Variants in RGS8 observed in about 807,000 individuals in gnomAD.
RGS8 encodes the protein regulator of G protein signaling 8, also known as regulator of G-protein signaling 8.
RGS8 carries 8 observed loss-of-function variants against 21.7 expected under a neutral mutation model. The observed-to-expected ratio is 0.37, with a 90% CI of 0.22 to 0.66. The LOEUF (loss-of-function observed/expected upper bound fraction) is 0.66. Ranked by LOEUF, RGS8 falls within the 30% of genes least tolerant of loss-of-function variation. The pLI, the probability that RGS8 is intolerant of heterozygous loss-of-function variation, is 0.59. For missense variants in RGS8, 157 were observed against 217.9 expected, an observed-to-expected ratio of 0.72 and a Z score of 1.76; for synonymous variants, 80 against 83.6, an observed-to-expected ratio of 0.96 and a Z score of 0.24.
chr1:182,671,774 C>T (rs374640164), intron 1 of RGS8, 44 bp from the exon 3 acceptor site: 18 of 1,612,204 alleles, frequency 1.1e-5, no homozygotes, highest in African/African-American at 1.1e-4. Context: ...AAATCCTCGG[C>T]GAGTGAAGGG....
the RGS8 span, among the ~76,000 whole-genome samples, chr1:182,705,590 G>A: frequency 7.4e-6 from 1 of 135,624 alleles, no homozygotes; most frequent in Non-Finnish European, 1.6e-5. Flanking sequence ...GAGTATGAAG[G>A]AGAAGGCCTC....
At chr1:182,692,675 CAAAAAAAAAAA>C in the RGS8 span, among the ~76,000 whole-genome samples, 2 of 28,028 alleles carry the variant, frequency 7.1e-5, no homozygotes, top group South Asian at 2.2e-3. Context: ...CAATCCTAAG[CAAAAAAAAAAA>C]AAAAAAAAAA....
chr1:182,716,952 C>T, the RGS8 span, among the ~76,000 whole-genome samples: 1 of 152,122 alleles, frequency 6.6e-6, no homozygotes, highest in Non-Finnish European at 1.5e-5. Context: ...TCTCATCTTC[C>T]CCCAAGGTAT....
chr1:182,651,286 A>G (rs1663000946), intron 5 of RGS8, among the ~76,000 whole-genome samples: 1 of 152,240 alleles, frequency 6.6e-6, no homozygotes, highest in African/African-American at 2.4e-5. Flanking sequence ...GATTGAAAAT[A>G]CCAAGAGTCA....
chr1:182,703,440 G>A, the RGS8 span, among the ~76,000 whole-genome samples: 4 of 152,100 alleles, frequency 2.6e-5, no homozygotes, highest in Non-Finnish European at 5.9e-5. Flanking sequence ...TGGAGGGGTG[G>A]CCAAAAGGTA....
the RGS8 span, among the ~76,000 whole-genome samples, chr1:182,714,162 C>T: frequency 2.0e-5 from 3 of 152,180 alleles, no homozygotes; most frequent in African/African-American, 4.8e-5. Context: ...AATGTCATAT[C>T]CTCAGACAGT....
intron 5 of RGS8, among the ~76,000 whole-genome samples, chr1:182,655,645 C>G (rs1174906687): frequency 1.3e-5 from 2 of 152,170 alleles, no homozygotes; most frequent in Non-Finnish European, 2.9e-5. Context: ...GGACAACACA[C>G]TCAACTTCAC....
the RGS8 span, among the ~76,000 whole-genome samples, chr1:182,729,024 A>G: frequency 6.6e-6 from 1 of 152,222 alleles, no homozygotes; most frequent in Non-Finnish European, 1.5e-5. Context: ...AATAAAAAAG[A>G]TGGTTGCCTC....
chr1:182,703,711 T>C, the RGS8 span, among the ~76,000 whole-genome samples: 1 of 152,230 alleles, frequency 6.6e-6, no homozygotes, highest in Non-Finnish European at 1.5e-5. Context: ...GCCTTTGGCC[T>C]ACATTTGTTT....
At chr1:182,694,920 A>G in the RGS8 span, among the ~76,000 whole-genome samples, 104 of 152,364 alleles carry the variant, frequency 6.8e-4, 1 homozygote, top group African/African-American at 2.5e-3. Flanking sequence ...AAGTCTTCAC[A>G]CAAAAGCACA....
the RGS8 span, among the ~76,000 whole-genome samples, chr1:182,704,050 C>A: frequency 6.6e-6 from 1 of 152,334 alleles, no homozygotes; most frequent in Middle Eastern, 3.4e-3. Flanking sequence ...ATAAAGATTT[C>A]ACTATAGCTT....
chr1:182,670,926 A>C (rs181381781), intron 2 of RGS8, among the ~76,000 whole-genome samples: 4 of 152,244 alleles, frequency 2.6e-5, no homozygotes, highest in African/African-American at 7.2e-5. Flanking sequence ...GGTCCCTAGA[A>C]GTCATGTTTG....
At chr1:182,657,545 G>A (rs1355943153) in intron 5 of RGS8, among the ~76,000 whole-genome samples, 3 of 149,280 alleles carry the variant, frequency 2.0e-5, no homozygotes, top group East Asian at 4.0e-4. Flanking sequence ...AAGTCCCCCC[G>A]CCCCAGTTTC....
At chr1:182,656,859 A>C (rs1336512273) in intron 5 of RGS8, among the ~76,000 whole-genome samples, 1 of 152,144 alleles carries the variant, frequency 6.6e-6, no homozygotes, top group Non-Finnish European at 1.5e-5. Context: ...TGCAGACTGC[A>C]CCTGCCCTCA....
chr1:182,688,125 G>T (rs531750223), upstream of RGS8, among the ~76,000 whole-genome samples: 2 of 152,300 alleles, frequency 1.3e-5, no homozygotes, highest in African/African-American at 4.8e-5. Flanking sequence ...GTGTTCTTAG[G>T]ATAAGAAGAT....
chr1:182,720,913 G>A, the RGS8 span, among the ~76,000 whole-genome samples: 54 of 95,782 alleles, frequency 5.6e-4, 3 homozygotes, highest in African/African-American at 1.9e-3. Flanking sequence ...ATATGTGTGT[G>A]TATATACATA....
chr1:182,735,269 T>C, the RGS8 span, among the ~76,000 whole-genome samples: 2 of 152,202 alleles, frequency 1.3e-5, no homozygotes, highest in Admixed American at 6.5e-5. Context: ...ATGCATCTTA[T>C]TAAATTGGTT....
chr1:182,648,389 T>C, intron 5 of RGS8, 86 bp from the exon 7 acceptor site: 1 of 1,398,034 alleles, frequency 7.2e-7, no homozygotes, highest in Non-Finnish European at 9.8e-7. Flanking sequence ...AGTAATAGTG[T>C]GAGGGTGCCC....
the RGS8 span, among the ~76,000 whole-genome samples, chr1:182,741,928 G>A: frequency 1.4e-5 from 2 of 146,000 alleles, no homozygotes; most frequent in East Asian, 2.1e-4. Flanking sequence ...GGGCGGAGAC[G>A]CTCCTCACTT....
Sources: allele counts gnomAD v4.1 joint callset (sites outside exome capture counted in the v4.1 genomes callset), GRCh38; gene constraint gnomAD v4.1.1; transcripts MANE v1.5; gene names NCBI Gene and HGNC (gene_info 2026-07-23, HGNC 2026-07-21).